PLCB1: variants seen among roughly 807,000 people sequenced by gnomAD.
PLCB1 encodes 1-phosphatidylinositol 4,5-bisphosphate phosphodiesterase beta-1.
PLCB1 carries 46 observed loss-of-function variants against 161.8 expected under a neutral mutation model. The ratio of observed to expected loss-of-function variants is 0.28; its 90% CI spans 0.22 to 0.36. PLCB1 has a LOEUF of 0.36. PLCB1 is among the 10% of genes least tolerant of loss of function. The pLI is 1.00. For synonymous variants in PLCB1, 517 were observed against 503.7 expected (o/e 1.03, Z -0.35); for missense variants, 1,016 against 1,472.5 (o/e 0.69, Z 5.07).
At chr20:8,417,028 C>T (rs1195901596) in intron 3 of PLCB1, among the ~76,000 whole-genome samples, 7 of 13,712 alleles carry the variant, frequency 5.1e-4, no homozygotes, top group East Asian at 1.5e-3. Context: ...TATGTGTATA[C>T]ACACACACAC....
Position 8,788,623 on chromosome 20 carries a change from G to T in PLCB1, c.3189-10G>T. ...CTCTTTTTTCTCTTTTACTTCCATT[G>T]TGACTTCAGAGAAAAGAAAGAATTA... On this transcript the variant is annotated splice_polypyrimidine_tract_variant and intron_variant, in intron 28 of 31. Transcript: ENST00000338037. The T allele has an allele frequency of 3.1e-6, 5 of 1,602,236 alleles. No homozygotes were observed. The highest frequency in any genetic ancestry group is 4.3e-6 in the Non-Finnish European group (5 of 1,172,668).
At chr20:8,539,954 G>A (rs527565062) in intron 3 of PLCB1, among the ~76,000 whole-genome samples, 1 of 152,060 alleles carries the variant, frequency 6.6e-6, no homozygotes, top group Non-Finnish European at 1.5e-5. Flanking sequence ...GTGGTTGGAG[G>A]TTGTCAGTCT....
chr20:8,287,401 C>T (rs750143364), intron 2 of PLCB1, among the ~76,000 whole-genome samples: 9 of 152,062 alleles, frequency 5.9e-5, no homozygotes, highest in Admixed American at 3.3e-4. Flanking sequence ...TAAGATGTCA[C>T]CAGCTTATTG....
intron 1 of PLCB1, among the ~76,000 whole-genome samples, chr20:8,136,184 G>A (rs991245197): frequency 6.6e-6 from 1 of 152,108 alleles, no homozygotes; most frequent in Admixed American, 6.5e-5. Flanking sequence ...GTTGCTTAAC[G>A]CATCCCAACT....
chr20:8,735,831 A>G (rs1980553015), intron 19 of PLCB1, among the ~76,000 whole-genome samples: 2 of 152,204 alleles, frequency 1.3e-5, no homozygotes. Flanking sequence ...GCCAAATAGA[A>G]CATACAGGGG....
At chr20:8,247,255 G>A (rs892907109) in intron 2 of PLCB1, among the ~76,000 whole-genome samples, 6 of 151,704 alleles carry the variant, frequency 4.0e-5, no homozygotes, top group African/African-American at 9.7e-5. Context: ...GAGATGCATG[G>A]GTTTCTTATT....
chr20:8,690,737 C>T (rs892698084), intron 10 of PLCB1, among the ~76,000 whole-genome samples: 1 of 152,108 alleles, frequency 6.6e-6, no homozygotes, highest in African/African-American at 2.4e-5. Context: ...TGTTTTGGTC[C>T]CCAGGAAAGG....
At chr20:8,728,991 T>G (rs1980087250) in intron 17 of PLCB1, 59 bp from the exon 18 acceptor site, 1 of 1,188,206 alleles carries the variant, frequency 8.4e-7, no homozygotes, top group Non-Finnish European at 1.1e-6. Flanking sequence ...AGCTTCTTAG[T>G]TACTATTATT....
At chr20:8,302,342 G>A (rs961657792) in intron 2 of PLCB1, among the ~76,000 whole-genome samples, 1 of 152,030 alleles carries the variant, frequency 6.6e-6, no homozygotes. Flanking sequence ...GCTAATTCGG[G>A]GATCTACTTC....
At chr20:8,630,195 T>A (rs1202584597) in intron 4 of PLCB1, among the ~76,000 whole-genome samples, 1 of 151,392 alleles carries the variant, frequency 6.6e-6, no homozygotes, top group Non-Finnish European at 1.5e-5. Flanking sequence ...CAAGCCATTC[T>A]CCTGCCTCAG....
At chr20:8,177,199 A>C (rs902991329) in intron 2 of PLCB1, among the ~76,000 whole-genome samples, 4 of 152,076 alleles carry the variant, frequency 2.6e-5, no homozygotes, top group African/African-American at 9.7e-5. Context: ...AGGTCATGAG[A>C]GCTCTGCCCT....
At chr20:8,159,655 G>A (rs1017826190) in intron 2 of PLCB1, among the ~76,000 whole-genome samples, 2 of 151,934 alleles carry the variant, frequency 1.3e-5, no homozygotes, top group African/African-American at 2.4e-5. Flanking sequence ...ATCTTTAACG[G>A]TACCCAAGCC....
intron 3 of PLCB1, among the ~76,000 whole-genome samples, chr20:8,457,102 C>T (rs746022405): frequency 6.6e-6 from 1 of 152,176 alleles, no homozygotes; most frequent in Non-Finnish European, 1.5e-5. Flanking sequence ...TATATGATAA[C>T]ATATTTTTAT....
intron 2 of PLCB1, among the ~76,000 whole-genome samples, chr20:8,349,011 TA>T (rs1986088283): frequency 6.6e-6 from 1 of 152,154 alleles, no homozygotes; most frequent in Admixed American, 6.6e-5. Flanking sequence ...TATGTATGTA[TA>T]TACACACATA....
At chr20:8,433,695 T>C (rs1408854952) in intron 3 of PLCB1, among the ~76,000 whole-genome samples, 1 of 136,488 alleles carries the variant, frequency 7.3e-6, no homozygotes, top group Non-Finnish European at 1.6e-5. Context: ...GACGAGTGTA[T>C]CCTTCTCCTC....
In PLCB1 at chr20:8,787,375, C is replaced by A. The variant is rs370921494; in HGVS notation, c.3112-1074C>A. Among the ~76,000 whole-genome samples, 210 of 152,304 alleles carry A rather than the reference C, an allele frequency of 1.4e-3. 8 individuals are homozygous for A. In the South Asian group the frequency reaches 0.042, roughly 31 times the overall value. ...GCCCGTTGCAGTTTTTCCGGGGACT[C>A]CCTTATACTTGGCTGTCTCAAAAGT... On this transcript the variant is annotated intron_variant, in intron 27 of 31. Transcript: ENST00000338037.
intron 3 of PLCB1, among the ~76,000 whole-genome samples, chr20:8,395,357 C>T (rs779703849): frequency 6.6e-6 from 1 of 151,856 alleles, no homozygotes; most frequent in East Asian, 1.9e-4. Context: ...AAGGCATTGT[C>T]TACATATTAT....
chr20:8,178,161 T>C (rs777043877), intron 2 of PLCB1, among the ~76,000 whole-genome samples: 3 of 152,234 alleles, frequency 2.0e-5, no homozygotes, highest in Admixed American at 6.5e-5. Context: ...TGAACATACA[T>C]GTGCATATGT....
chr20:8,716,192 A>G (rs1421432040), intron 12 of PLCB1, 72 bp from the exon 13 acceptor site: 8 of 1,129,360 alleles, frequency 7.1e-6, no homozygotes, highest in Non-Finnish European at 9.4e-6. Flanking sequence ...AGTTAATAAC[A>G]CAAAGCAATC....
Sources: allele counts gnomAD v4.1 joint callset (sites outside exome capture counted in the v4.1 genomes callset), GRCh38; gene constraint gnomAD v4.1.1; transcripts MANE v1.5; gene names NCBI Gene and HGNC (gene_info 2026-07-23, HGNC 2026-07-21).